Variants in SLC16A2 observed in about 807,000 individuals in gnomAD.
SLC16A2 encodes solute carrier family 16 member 2, also known as monocarboxylate transporter 8.
SLC16A2 carries 3 observed loss-of-function variants against 27.2 expected under a neutral mutation model. That is an observed-to-expected ratio of 0.11 (90% CI 0.05 to 0.28). The LOEUF (loss-of-function observed/expected upper bound fraction) is 0.28. SLC16A2 is among the 10% of genes least tolerant of loss of function. SLC16A2 has a pLI of 1.00. For synonymous variants in SLC16A2, 202 were observed against 187.8 expected, an observed-to-expected ratio of 1.08 and a Z score of -0.62; for missense variants, 295 against 458.5, an observed-to-expected ratio of 0.64 and a Z score of 3.26.
intron 1 of SLC16A2, among the ~76,000 whole-genome samples, chrX:74,500,591 T>A (rs1233114089): frequency 9.0e-6 from 1 of 111,377 alleles, no homozygotes; most frequent in Non-Finnish European, 1.9e-5. Flanking sequence ...CATTGTATCA[T>A]TCTCATGCCT....
In SLC16A2 at chrX:74,435,554, T is replaced by TATATGTATATATATATA. The variant is rs1491092189; in HGVS notation, c.430+13487_430+13488insATATGTATATATATATA. On this transcript the variant is annotated intron_variant, in intron 1 of 5. Transcript: ENST00000587091. ...ATATATATGTATATATATATATATATTTTTTTTTTTTTTAGTGGATCTGGG... is the reference window on the plus strand; with the variant it reads ...ATATATATGTATATATATATATATATATATGTATATATATATATTTTTTTTTTTTTAGTGGATCTGGG... Among the ~76,000 whole-genome samples the TATATGTATATATATATA allele has an allele frequency of 3.3e-4, 25 of 76,230 alleles. 1 individual carries two copies. In the East Asian group the frequency reaches 7.8e-3, roughly 24 times the overall value. 66.2% of individuals were successfully genotyped at this position (76,230 alleles called of 115,157 possible).
chrX:74,497,014 T>G (rs956904748), intron 1 of SLC16A2, among the ~76,000 whole-genome samples: 1 of 112,019 alleles, frequency 8.9e-6, no homozygotes, highest in African/African-American at 3.3e-5. Flanking sequence ...TGCCTGTGTC[T>G]TTTTCTGCTG....
At chrX:74,454,470 C>T (rs1024804311) in intron 1 of SLC16A2, among the ~76,000 whole-genome samples, 5 of 108,615 alleles carry the variant, frequency 4.6e-5, no homozygotes, top group Admixed American at 1.0e-4. Context: ...AGCAAACTAT[C>T]GCAAGGACAA....
chrX:74,427,158 G>T (rs1239116301), intron 1 of SLC16A2, among the ~76,000 whole-genome samples: 3 of 112,347 alleles, frequency 2.7e-5, no homozygotes, highest in Non-Finnish European at 5.6e-5. Flanking sequence ...TTCTGAAACT[G>T]AATTTCCCAC....
intron 1 of SLC16A2, among the ~76,000 whole-genome samples, chrX:74,430,264 C>T (rs749414036): frequency 8.9e-6 from 1 of 111,816 alleles, no homozygotes; most frequent in African/African-American, 3.3e-5. Context: ...AAACTCATAG[C>T]AGATAATGGC....
At chrX:74,425,462 T>A (rs1928386786) in intron 1 of SLC16A2, among the ~76,000 whole-genome samples, 1 of 109,885 alleles carries the variant, frequency 9.1e-6, no homozygotes, top group Admixed American at 9.7e-5. Context: ...AGGAGGGAAA[T>A]GAGCCTGTAT....
At chrX:74,473,263 C>T (rs1244472986) in intron 1 of SLC16A2, 31 of 660,797 alleles carry the variant, frequency 4.7e-5, no homozygotes, top group Non-Finnish European at 7.6e-5. Flanking sequence ...GCCACCATAA[C>T]CACCACCACC....
Position 74,524,738 on chromosome X carries a change from C to T in SLC16A2, c.955C>T (p.Arg319Cys), listed in dbSNP as rs1375705723. The change falls in exon 3 of 6, where the codon CGC (arginine) becomes TGC (cysteine). Residue 319 changes from arginine (R) to cysteine (C), a missense_variant. Coordinates refer to ENST00000587091, the MANE Select transcript of SLC16A2 (RefSeq NM_006517.5). ...KYFNMRVFRQ[R>C]TYRIWAFGIA... ...CTTCAACATGCGAGTGTTCCGCCAA[C>T]GCACTTACCGCATCTGGGCCTTCGG... 8 of 1,209,808 alleles carry T rather than the reference C, an allele frequency of 6.6e-6. No homozygotes were observed. The highest frequency in any genetic ancestry group is 5.9e-5 in the East Asian group (2 of 33,755).
intron 1 of SLC16A2, among the ~76,000 whole-genome samples, chrX:74,458,331 G>A (rs753757423): frequency 1.3e-4 from 15 of 111,971 alleles, no homozygotes; most frequent in African/African-American, 4.9e-4. Flanking sequence ...TTGTTTTGGT[G>A]TGGCGTAAAC....
rs761703179 is a variant in SLC16A2 at position 74,525,670 on chromosome X, A to T, written c.1027-80A>T. ...GCTCCAGGAAAGTAAGCAGTAGGGGATTCTGGATATGCCTACAGTTAACCA... is the reference window on the plus strand; with the variant it reads ...GCTCCAGGAAAGTAAGCAGTAGGGGTTTCTGGATATGCCTACAGTTAACCA... On this transcript the variant is annotated intron_variant, in intron 3 of 5. Coordinates refer to ENST00000587091, the MANE Select transcript of SLC16A2 (RefSeq NM_006517.5). The T allele has an allele frequency of 1.6e-4, 184 of 1,115,202 alleles. 2 individuals are homozygous for T. In the South Asian group the frequency reaches 3.3e-3, roughly 20 times the overall value. The allele number at this position is 1,115,202 out of a possible 1,213,427, so 91.9% of individuals were successfully genotyped here. A position where few individuals can be genotyped will look rare whatever the true frequency, so the allele number is the denominator to read the frequency against.
rs1217081413 is a variant in SLC16A2, at chrX:74,533,734, G to A, written c.*2181G>A. 1 of 112,717 alleles carries A rather than the reference G, an allele frequency of 8.9e-6. No individual in the cohort carries two copies. 9.3% of individuals were successfully genotyped at this position (112,717 alleles called of 1,213,427 possible). A position where few individuals can be genotyped will look rare whatever the true frequency, so the allele number is the denominator to read the frequency against. On this transcript the variant is annotated 3_prime_UTR_variant, in exon 6 of 6. Transcript: ENST00000587091. ...TCCACACATGTGGTTGTGCACATGT[G>A]AGCTTGTGTGCTTTTGGAGAGAATG...
At chrX:74,477,308 G>A (rs1165225378) in intron 1 of SLC16A2, among the ~76,000 whole-genome samples, 3 of 111,893 alleles carry the variant, frequency 2.7e-5, no homozygotes. Context: ...TTGTATTTCT[G>A]TGGGATCGGT....
chrX:74,426,367 T>A (rs773814341), intron 1 of SLC16A2, among the ~76,000 whole-genome samples: 2 of 112,049 alleles, frequency 1.8e-5, no homozygotes, highest in East Asian at 5.6e-4. Flanking sequence ...CCATGACTGA[T>A]ACTGAAAGGG....
intron 1 of SLC16A2, among the ~76,000 whole-genome samples, chrX:74,433,861 G>C (rs1202733468): frequency 8.9e-6 from 1 of 111,986 alleles, no homozygotes; most frequent in Non-Finnish European, 1.9e-5. Flanking sequence ...CACATGACTT[G>C]CCTTGACAAA....
chrX:74,485,234 A>T (rs1051765945), intron 1 of SLC16A2, among the ~76,000 whole-genome samples: 11 of 108,533 alleles, frequency 1.0e-4, no homozygotes, highest in Admixed American at 3.9e-4. Flanking sequence ...AAAAAAAAAA[A>T]TTAAGGAAAA....
At chrX:74,498,579 C>A (rs1381858732) in intron 1 of SLC16A2, among the ~76,000 whole-genome samples, 1 of 111,914 alleles carries the variant, frequency 8.9e-6, no homozygotes, top group Non-Finnish European at 1.9e-5. Flanking sequence ...ACTCTGTCTT[C>A]TGCATGGCTG....
chrX:74,478,889 C>T (rs948914984), intron 1 of SLC16A2, among the ~76,000 whole-genome samples: 4 of 111,485 alleles, frequency 3.6e-5, no homozygotes, highest in Admixed American at 9.5e-5. Context: ...GTGGGTAACC[C>T]GACCTTTCTC....
At chrX:74,475,627 A>G (rs369612355) in intron 1 of SLC16A2, among the ~76,000 whole-genome samples, 2 of 111,972 alleles carry the variant, frequency 1.8e-5, no homozygotes, top group African/African-American at 3.2e-5. Context: ...TAACATTTAA[A>G]TCTTTAATCC....
intron 1 of SLC16A2, among the ~76,000 whole-genome samples, chrX:74,449,981 G>T (rs1241067426): frequency 8.9e-6 from 1 of 112,236 alleles, no homozygotes; most frequent in African/African-American, 3.2e-5. Context: ...TAGACGACCA[G>T]GATGGTCCAT....
Sources: allele counts gnomAD v4.1 joint callset (sites outside exome capture counted in the v4.1 genomes callset), GRCh38; gene constraint gnomAD v4.1.1; transcripts MANE v1.5; gene names NCBI Gene and HGNC (gene_info 2026-07-23, HGNC 2026-07-21).